The following GABRG1 variants were observed in gnomAD, a reference collection of about 807,000 sequenced individuals.
GABRG1 encodes gamma-aminobutyric acid type A receptor subunit gamma1.
A neutral mutation model predicts 49.8 loss-of-function variants in GABRG1; 49 were observed. The ratio of observed to expected loss-of-function variants is 0.98; its 90% confidence interval spans 0.78 to 1.25. The LOEUF is 1.25. GABRG1 is among the 50% of genes most tolerant of loss of function. The pLI, the probability that GABRG1 is intolerant of heterozygous loss-of-function variation, is 0.00. For synonymous variants in GABRG1, 232 were observed against 185.1 expected (o/e 1.25, Z -2.06); for missense variants, 552 against 552.3 (o/e 1.00, Z 0.01).
intron 3 of GABRG1, among the ~76,000 whole-genome samples, chr4:46,079,502 G>A (rs565324222): frequency 3.3e-5 from 5 of 151,954 alleles, no homozygotes; most frequent in South Asian, 2.1e-4. Context: ...CTGCAGATGC[G>A]AACTGGGATC....
At chr4:46,061,983 A>G (rs1035973110) in intron 5 of GABRG1, among the ~76,000 whole-genome samples, 67 of 149,920 alleles carry the variant, frequency 4.5e-4, no homozygotes, top group Non-Finnish European at 8.9e-4. Context: ...CCATTAACTC[A>G]TCATTTAGCA....
intron 3 of GABRG1, among the ~76,000 whole-genome samples, chr4:46,076,081 C>T (rs1719313493): frequency 6.6e-6 from 1 of 151,714 alleles, no homozygotes. Flanking sequence ...CAAAATTATA[C>T]TTGTACCCCA....
chr4:46,123,101 A>AAC (rs34086673), intron 1 of GABRG1, among the ~76,000 whole-genome samples: 21,235 of 129,302 alleles, frequency 0.16, 1,651 homozygotes, highest in Non-Finnish European at 0.19. Flanking sequence ...CATACACACA[A>AAC]ACACACACAC....
At chr4:46,074,553 T>G (rs965119924) in intron 3 of GABRG1, among the ~76,000 whole-genome samples, 38 of 152,102 alleles carry the variant, frequency 2.5e-4, no homozygotes, top group African/African-American at 8.9e-4. Flanking sequence ...TATCATACAG[T>G]TTTAACAATT....
intron 8 of GABRG1, among the ~76,000 whole-genome samples, chr4:46,042,183 AGG>A (rs1717813326): frequency 6.6e-6 from 1 of 151,978 alleles, no homozygotes; most frequent in Non-Finnish European, 1.5e-5. Flanking sequence ...ACCTGCCAGT[AGG>A]TAACATCATT....
At chr4:46,117,055 C>G (rs1167639621) in intron 1 of GABRG1, among the ~76,000 whole-genome samples, 1 of 150,444 alleles carries the variant, frequency 6.6e-6, no homozygotes, top group Non-Finnish European at 1.5e-5. Context: ...AGTGATTGTT[C>G]TAGAAATCTG....
At chr4:46,118,402 C>T (rs1720998788) in intron 1 of GABRG1, among the ~76,000 whole-genome samples, 1 of 150,528 alleles carries the variant, frequency 6.6e-6, no homozygotes, top group African/African-American at 2.4e-5. Context: ...TTATTGCTCC[C>T]ACTGTACCTC....
intron 1 of GABRG1, among the ~76,000 whole-genome samples, chr4:46,113,546 A>G (rs1258527354): frequency 6.6e-6 from 1 of 151,144 alleles, no homozygotes; most frequent in Admixed American, 6.6e-5. Flanking sequence ...CCATAGCTCT[A>G]ATTTAATTAT....
chr4:46,120,574 A>G (rs561969870), intron 1 of GABRG1, among the ~76,000 whole-genome samples: 2 of 151,850 alleles, frequency 1.3e-5, no homozygotes, highest in East Asian at 3.9e-4. Flanking sequence ...ATCTTTACTT[A>G]GTCATTTGCT....
intron 1 of GABRG1, among the ~76,000 whole-genome samples, chr4:46,115,796 T>C (rs1720866122): frequency 6.6e-6 from 1 of 150,696 alleles, no homozygotes. Context: ...CAAAAATGAG[T>C]CGGACAATTG....
chr4:46,117,572 C>CTG (rs1315592092), intron 1 of GABRG1, among the ~76,000 whole-genome samples: 1 of 142,114 alleles, frequency 7.0e-6, no homozygotes, highest in Non-Finnish European at 1.5e-5. Flanking sequence ...CTCTCTCTCT[C>CTG]TCTCTCTCTG....
At chr4:46,107,108 T>G (rs545782518) in intron 1 of GABRG1, among the ~76,000 whole-genome samples, 117 of 151,452 alleles carry the variant, frequency 7.7e-4, no homozygotes, top group African/African-American at 2.1e-3. Flanking sequence ...AATTAAGTTA[T>G]GTTGACTACA....
intron 8 of GABRG1, among the ~76,000 whole-genome samples, chr4:46,041,865 C>A (rs979944664): frequency 2.0e-5 from 3 of 151,880 alleles, no homozygotes; most frequent in African/African-American, 7.3e-5. Context: ...TATACTTGCA[C>A]CTAATTTCTG....
chr4:46,109,501 T>G (rs148407675), intron 1 of GABRG1, among the ~76,000 whole-genome samples: 3 of 151,234 alleles, frequency 2.0e-5, no homozygotes, highest in African/African-American at 2.4e-5. Context: ...AATTTTTGTG[T>G]CTCCATTACA....
intron 1 of GABRG1, among the ~76,000 whole-genome samples, chr4:46,116,451 A>T (rs894069329): frequency 2.0e-5 from 3 of 150,788 alleles, no homozygotes; most frequent in African/African-American, 2.4e-5. Context: ...TATGCTTCAG[A>T]TACATTCTTC....
intron 1 of GABRG1, among the ~76,000 whole-genome samples, chr4:46,110,128 A>C (rs925542204): frequency 6.6e-6 from 1 of 151,006 alleles, no homozygotes; most frequent in Non-Finnish European, 1.5e-5. Flanking sequence ...GAAATCTTCA[A>C]CTATGATTGG....
At chr4:46,118,132 G>GTATATATATATATATATATATATATA (rs1553884495) in intron 1 of GABRG1, among the ~76,000 whole-genome samples, 4 of 109,984 alleles carry the variant, frequency 3.6e-5, no homozygotes, top group African/African-American at 2.2e-4. Flanking sequence ...GTGTGTGTGT[G>GTATATATATATATATATATATATATA]TATATATATA....
Position 46,115,222 on chromosome 4 carries a change from A to G in GABRG1, c.104+8588T>C, listed in dbSNP as rs564188868. 6.6e-5 allele frequency among the ~76,000 whole-genome samples: 10 copies of G among 150,844 alleles called. No individual in the cohort carries two copies. In the East Asian group the frequency reaches 1.8e-3, roughly 27 times the overall value. ...ATAAAGTTTCTGTAAGTAAAACCTC[A>G]TTGTAGCAATAAATAGTGAAAACAA... On this transcript the variant is annotated intron_variant, in intron 1 of 8. Coordinates refer to ENST00000295452, the MANE Select transcript of GABRG1 (RefSeq NM_173536.4).
intron 3 of GABRG1, among the ~76,000 whole-genome samples, chr4:46,079,076 T>G (rs982100142): frequency 1.3e-5 from 2 of 151,850 alleles, no homozygotes; most frequent in Non-Finnish European, 2.9e-5. Flanking sequence ...AGTTTTGTTT[T>G]TTTTTTTTCC....
Sources: allele counts gnomAD v4.1 joint callset (sites outside exome capture counted in the v4.1 genomes callset), GRCh38; gene constraint gnomAD v4.1.1; transcripts MANE v1.5; gene names NCBI Gene and HGNC (gene_info 2026-07-23, HGNC 2026-07-21).